SLC16A2: variants seen among roughly 807,000 people sequenced by gnomAD.
The protein encoded by SLC16A2 is solute carrier family 16 member 2, also known as monocarboxylate transporter 8.
Under a neutral mutation model 27.2 loss-of-function variants are expected in SLC16A2, and 3 were observed. The observed-to-expected ratio is 0.11, with a 90% CI of 0.05 to 0.28. SLC16A2 has a LOEUF of 0.28. Ranked by LOEUF, SLC16A2 falls within the 10% of genes least tolerant of loss-of-function variation. The pLI is 1.00. For missense variants in SLC16A2, 295 were observed against 458.5 expected, an observed-to-expected ratio of 0.64 and a Z score of 3.26; for synonymous variants, 202 against 187.8, an observed-to-expected ratio of 1.08 and a Z score of -0.62.
At chrX:74,454,034 T>G (rs373408071) in intron 1 of SLC16A2, among the ~76,000 whole-genome samples, 3 of 111,519 alleles carry the variant, frequency 2.7e-5, no homozygotes, top group African/African-American at 9.8e-5. Flanking sequence ...TGCTCATCTA[T>G]TATTTTTCTG....
At chrX:74,424,886 T>C (rs529882202) in intron 1 of SLC16A2, among the ~76,000 whole-genome samples, 1 of 111,775 alleles carries the variant, frequency 8.9e-6, no homozygotes, top group South Asian at 3.8e-4. Context: ...AGAGATGGGA[T>C]CTTGCTCTGT....
chrX:74,494,492 G>A (rs368920571), intron 1 of SLC16A2, among the ~76,000 whole-genome samples: 2 of 111,460 alleles, frequency 1.8e-5, no homozygotes, highest in African/African-American at 3.3e-5. Flanking sequence ...CCATAATATC[G>A]TCAAATACCC....
At chrX:74,530,569 G>A (rs1378744454) in intron 5 of SLC16A2, among the ~76,000 whole-genome samples, 1 of 112,108 alleles carries the variant, frequency 8.9e-6, no homozygotes, top group African/African-American at 3.2e-5. Context: ...AGGCTTCTGG[G>A]CAACAGCCAC....
intron 1 of SLC16A2, among the ~76,000 whole-genome samples, chrX:74,499,906 G>C (rs941533646): frequency 9.0e-6 from 1 of 111,427 alleles, no homozygotes; most frequent in African/African-American, 3.3e-5. Context: ...AGTGACCAAA[G>C]GTACTCTCTT....
Position 74,421,660 on chromosome X carries a change from G to A in SLC16A2, c.23G>A (p.Ser8Asn), listed in dbSNP as rs746783950. 116 of 1,202,475 alleles carry A rather than the reference G, an allele frequency of 9.6e-5. No individual in the cohort carries two copies. In the Admixed American group the frequency reaches 2.6e-3, roughly 26 times the overall value. The change falls in exon 1 of 6, where the codon AGC becomes AAC. Residue 8 changes from serine (S) to asparagine (N), a missense_variant. By Grantham distance (46) the Ser-to-Asn change is conservative. Around this residue, in one of 3 missense-constraint regions of SLC16A2, gnomAD observed 92 missense variants for 85.1 expected, o/e 1.08. Transcript: ENST00000587091. ...GCGATGGCGCTGCAAAGCCAGGCGAGCGAGGAAGCAAAGGGGCCCTGGCAG... is the reference window on the plus strand; with the variant it reads ...GCGATGGCGCTGCAAAGCCAGGCGAACGAGGAAGCAAAGGGGCCCTGGCAG... MALQSQASEEAKGPWQEA... is the reference protein window; with the variant it reads MALQSQANEEAKGPWQEA...
chrX:74,497,843 G>C (rs1352858080), intron 1 of SLC16A2, among the ~76,000 whole-genome samples: 1 of 106,946 alleles, frequency 9.4e-6, no homozygotes, highest in Non-Finnish European at 1.9e-5. Flanking sequence ...CCTATGTATG[G>C]GGGTGGGGGG....
chrX:74,530,369 G>A (rs1277662819), intron 5 of SLC16A2, among the ~76,000 whole-genome samples: 1 of 111,625 alleles, frequency 9.0e-6, no homozygotes, highest in Non-Finnish European at 1.9e-5. Context: ...CAAAGTGCTG[G>A]GATTACAGGC....
At chrX:74,492,735 C>T (rs1254248474) in intron 1 of SLC16A2, among the ~76,000 whole-genome samples, 1 of 111,558 alleles carries the variant, frequency 9.0e-6, no homozygotes, top group Non-Finnish European at 1.9e-5. Flanking sequence ...TGCATGTTCA[C>T]TCTCCACCCC....
rs1339023960 is a variant in SLC16A2 at position 74,421,889 on chromosome X, G to T, written c.252G>T (p.Glu84Asp). ...AACCCGAGCCCACGCCTACGGTAGA[G>T]ACCCGCGGCACCGCGCGCGGCTTCC... ...VHEPEPTPTV[E>D]TRGTARGFQP... Residue 84 changes from glutamate (E) to aspartate (D), a missense_variant, in exon 1 of 6, where the codon GAG (glutamate) becomes GAT (aspartate). Coordinates refer to ENST00000587091, the MANE Select transcript of SLC16A2 (RefSeq NM_006517.5). 8.3e-7 allele frequency: 1 copy of T among 1,210,074 alleles called. No individual in the cohort carries two copies. The highest frequency in any genetic ancestry group is 3.0e-5 in the East Asian group (1 of 33,785).
chrX:74,495,772 C>T (rs1324903822), intron 1 of SLC16A2, among the ~76,000 whole-genome samples: 1 of 111,208 alleles, frequency 9.0e-6, no homozygotes, highest in African/African-American at 3.3e-5. Flanking sequence ...GTCTTCCTGC[C>T]TTTTTGCTTC....
intron 1 of SLC16A2, among the ~76,000 whole-genome samples, chrX:74,508,805 C>A (rs1390903157): frequency 9.0e-6 from 1 of 111,515 alleles, no homozygotes; most frequent in Non-Finnish European, 1.9e-5. Flanking sequence ...TTTTATCACC[C>A]AGGTATTAAG....
intron 1 of SLC16A2, among the ~76,000 whole-genome samples, chrX:74,506,935 TTA>T (rs201453447): frequency 0.042 from 1,240 of 29,470 alleles, 22 homozygotes; most frequent in African/African-American, 0.07. Flanking sequence ...ATTTATTTAT[TTA>T]TTTTTTTTTT....
chrX:74,450,554 A>C (rs927772496), intron 1 of SLC16A2, among the ~76,000 whole-genome samples: 14 of 111,695 alleles, frequency 1.3e-4, no homozygotes, highest in African/African-American at 4.6e-4. Flanking sequence ...CAAAGAAGTA[A>C]AAGAAACTTC....
At chrX:74,485,749 G>A (rs1253310711) in intron 1 of SLC16A2, among the ~76,000 whole-genome samples, 3 of 110,457 alleles carry the variant, frequency 2.7e-5, no homozygotes, top group African/African-American at 1.0e-4. Context: ...GGATGAACCC[G>A]AGCACTTAGC....
intron 5 of SLC16A2, among the ~76,000 whole-genome samples, chrX:74,530,070 T>C (rs1930542916): frequency 9.9e-6 from 1 of 100,702 alleles, no homozygotes; most frequent in Admixed American, 1.1e-4. Flanking sequence ...ACAAGAGAAC[T>C]CCAATTTCTT....
At chrX:74,510,787 C>T (rs2147866275) in intron 1 of SLC16A2, among the ~76,000 whole-genome samples, 1 of 110,634 alleles carries the variant, frequency 9.0e-6, no homozygotes, top group Admixed American at 9.6e-5. Flanking sequence ...CATAGTGGCT[C>T]ATACCTGTAA....
At chrX:74,428,894 C>T (rs187687687) in intron 1 of SLC16A2, among the ~76,000 whole-genome samples, 327 of 111,525 alleles carry the variant, frequency 2.9e-3, no homozygotes, top group Non-Finnish European at 5.2e-3. Context: ...TATCATTGTC[C>T]CCCATCTCCT....
At chrX:74,446,359 G>T (rs975952641) in intron 1 of SLC16A2, among the ~76,000 whole-genome samples, 1 of 111,463 alleles carries the variant, frequency 9.0e-6, no homozygotes, top group Non-Finnish European at 1.9e-5. Flanking sequence ...GGCTGGGCGC[G>T]GTTGCTCACA....
At chrX:74,478,086 G>C (rs753343144) in intron 1 of SLC16A2, among the ~76,000 whole-genome samples, 1 of 111,567 alleles carries the variant, frequency 9.0e-6, no homozygotes, top group East Asian at 2.8e-4. Flanking sequence ...TGACAGTGGG[G>C]TGTTAAAGTC....
Sources: allele counts gnomAD v4.1 joint callset (sites outside exome capture counted in the v4.1 genomes callset), GRCh38; gene constraint gnomAD v4.1.1; regional missense constraint gnomAD v4.1.1; transcripts MANE v1.5; gene names NCBI Gene and HGNC (gene_info 2026-07-23, HGNC 2026-07-21).